CALHM5: variants seen among roughly 807,000 people sequenced by gnomAD.
CALHM5 encodes calcium homeostasis modulator family member 5.
In CALHM5, 17 loss-of-function variants were observed where a neutral mutation model predicts 20.9. That is an observed-to-expected ratio of 0.82 (90% CI 0.56 to 1.22). CALHM5 has a LOEUF of 1.22. CALHM5 is among the 50% of genes most tolerant of loss of function. CALHM5 has a pLI of 0.00. For missense variants in CALHM5, 360 were observed against 364.6 expected, an observed-to-expected ratio of 0.99 and a Z score of 0.10; for synonymous variants, 148 against 140.0, an observed-to-expected ratio of 1.06 and a Z score of -0.40.
rs1006222124 is a variant in CALHM5 at position 116,517,219 on chromosome 6, T to G, written c.*1230T>G. The G allele has an allele frequency of 4.6e-5, 7 of 152,088 alleles. No individual in the cohort carries two copies. Among genetic ancestry groups the G allele is most frequent in the Non-Finnish European group, 2.9e-5 (2 of 68,030 alleles). The allele number at this position is 152,088 out of a possible 1,614,324, so 9.4% of individuals were successfully genotyped here. A position where few individuals can be genotyped will look rare whatever the true frequency, so the allele number is the denominator to read the frequency against. ...GGGTTAAGATTTCAACATATGAAATTGGGGGAGACACAAACATTCAGACTA... is the reference window on the plus strand; with the variant it reads ...GGGTTAAGATTTCAACATATGAAATGGGGGGAGACACAAACATTCAGACTA... On this transcript the variant is annotated 3_prime_UTR_variant, in exon 2 of 2. Transcript: ENST00000368599.
At position 116,523,000 on chromosome 6, in the gene CALHM5, A is replaced by C. The variant is rs943466252; in HGVS notation, c.*7011A>C. ...ATTAAAATGTGGATTGCTGAACTCCACCCCCAGGGTGTCTGATTCAGTAGG... is the reference window on the plus strand; with the variant it reads ...ATTAAAATGTGGATTGCTGAACTCCCCCCCCAGGGTGTCTGATTCAGTAGG... On this transcript the variant is annotated 3_prime_UTR_variant, in exon 2 of 2. Transcript: ENST00000368599. 3 of 114,012 alleles carry C rather than the reference A, an allele frequency of 2.6e-5. No individual in the cohort carries two copies. Among genetic ancestry groups the C allele is most frequent in the African/African-American group, 9.6e-5 (3 of 31,358 alleles). 7.1% of individuals were successfully genotyped at this position (114,012 alleles called of 1,614,324 possible).
Position 116,521,433 on chromosome 6 carries a change from G to A in CALHM5, c.*5444G>A, listed in dbSNP as rs567952766. The stretch of plus-strand genomic sequence containing the variant: ...AGGAACCTGAAGTTTTTATTTCCAA[G>A]GGCCAATAGATAAGGAGAATATTGG... On this transcript the variant is annotated 3_prime_UTR_variant, in exon 2 of 2. Transcript: ENST00000368599. 6.6e-6 allele frequency: 1 copy of A among 152,082 alleles called. No individual in the cohort carries two copies. Among genetic ancestry groups the A allele is most frequent in the South Asian group, 2.1e-4 (1 of 4,820 alleles). 9.4% of individuals were successfully genotyped at this position (152,082 alleles called of 1,614,324 possible). A position where few individuals can be genotyped will look rare whatever the true frequency, so the allele number is the denominator to read the frequency against.
At position 116,511,655 on chromosome 6, in the gene CALHM5, C is replaced by A; in HGVS notation, c.-42C>A. On this transcript the variant is annotated 5_prime_UTR_variant, in exon 1 of 2. Coordinates refer to ENST00000368599, the MANE Select transcript of CALHM5 (RefSeq NM_153711.5). The stretch of plus-strand genomic sequence containing the variant: ...TCGGCCACTGCCACAGCTGCTCTGC[C>A]AATAACAAAGGCACAGCATTTTCCC... 1 of 1,582,760 alleles carries A rather than the reference C, an allele frequency of 6.3e-7. No individual in the cohort carries two copies.
At position 116,524,368 on chromosome 6, in the gene CALHM5, A is replaced by AC. The variant is rs1373445912; in HGVS notation, c.*8384dup. 1 of 152,080 alleles carries AC rather than the reference A, an allele frequency of 6.6e-6. No individual in the cohort carries two copies. The highest frequency in any genetic ancestry group is 1.5e-5 in the Non-Finnish European group (1 of 67,992). 9.4% of individuals were successfully genotyped at this position (152,080 alleles called of 1,614,324 possible). A position where few individuals can be genotyped will look rare whatever the true frequency, so the allele number is the denominator to read the frequency against. ...TTATTTTGCTGAAGTTTTGTCAATC[A>AC]CCCCCTGCTTAGCTGGAGTTTACCT... On this transcript the variant is annotated 3_prime_UTR_variant, in exon 2 of 2. Transcript: ENST00000368599.
Position 116,523,028 on chromosome 6 carries a change from TG to T in CALHM5, c.*7043del, listed in dbSNP as rs1347663135. 2.4e-5 allele frequency: 3 copies of T among 126,132 alleles called. No individual in the cohort carries two copies. Among genetic ancestry groups the T allele is most frequent in the East Asian group, 5.8e-4 (2 of 3,428 alleles). 7.8% of individuals were successfully genotyped at this position (126,132 alleles called of 1,614,324 possible). On this transcript the variant is annotated 3_prime_UTR_variant, in exon 2 of 2. Coordinates refer to ENST00000368599, the MANE Select transcript of CALHM5 (RefSeq NM_153711.5). ...CCCAGGGTGTCTGATTCAGTAGGTCTGGGGTGAGGCAAGATAATCTGCATTT... is the reference window on the plus strand; with the variant it reads ...CCCAGGGTGTCTGATTCAGTAGGTCTGGGTGAGGCAAGATAATCTGCATTT...
Position 116,515,606 on chromosome 6 carries a change from G to C in CALHM5, c.547G>C (p.Gly183Arg). ...LSLQAQSQILGWCLICSASFF... is the reference protein window; with the variant it reads ...LSLQAQSQILRWCLICSASFF... ...ATATTTCTTTCTTCTTAAGATTCTA[G>C]GATGGTGCCTGATTTGTTCAGCGTC... Residue 183 changes from glycine (G) to arginine (R), a missense_variant, in exon 2 of 2, where the codon GGA (glycine) becomes CGA (arginine). Gly to Arg is a moderately radical substitution (Grantham distance 125). Coordinates refer to ENST00000368599, the MANE Select transcript of CALHM5 (RefSeq NM_153711.5). 6.2e-7 allele frequency: 1 copy of C among 1,607,058 alleles called. No homozygotes were observed. The highest frequency in any genetic ancestry group is 8.5e-7 in the Non-Finnish European group (1 of 1,176,814).
rs1231816033 is a variant in CALHM5 at position 116,522,389 on chromosome 6, C to CT, written c.*6401dup. Reference sequence around the variant, plus strand: ...AATATGAAGCGACAGAACCTGAACACTAACATGAAAATCAGAATTTATAAA... The same window carrying CT: ...AATATGAAGCGACAGAACCTGAACACTTAACATGAAAATCAGAATTTATAAA... On this transcript the variant is annotated 3_prime_UTR_variant, in exon 2 of 2. Coordinates refer to ENST00000368599, the MANE Select transcript of CALHM5 (RefSeq NM_153711.5). The CT allele has an allele frequency of 6.6e-6, 1 of 152,190 alleles. No homozygotes were observed. The highest frequency in any genetic ancestry group is 1.9e-4 in the East Asian group (1 of 5,202). 9.4% of individuals were successfully genotyped at this position (152,190 alleles called of 1,614,324 possible).
rs1488833252 is a variant in CALHM5 at position 116,519,529 on chromosome 6, C to A, written c.*3540C>A. On this transcript the variant is annotated 3_prime_UTR_variant, in exon 2 of 2. Coordinates refer to ENST00000368599, the MANE Select transcript of CALHM5 (RefSeq NM_153711.5). ...GATTTGAATATCTAGAGAGGGCACCCAATGGTCATACTAATGTTTGCCATA... is the reference window on the plus strand; with the variant it reads ...GATTTGAATATCTAGAGAGGGCACCAAATGGTCATACTAATGTTTGCCATA... The A allele has an allele frequency of 1.3e-5, 2 of 152,158 alleles. No homozygotes were observed. Among genetic ancestry groups the A allele is most frequent in the Non-Finnish European group, 2.9e-5 (2 of 68,044 alleles). 9.4% of individuals were successfully genotyped at this position (152,158 alleles called of 1,614,324 possible). A position where few individuals can be genotyped will look rare whatever the true frequency, so the allele number is the denominator to read the frequency against.
At position 116,517,646 on chromosome 6, in the gene CALHM5, C is replaced by G. The variant is rs2115170596; in HGVS notation, c.*1657C>G. On this transcript the variant is annotated 3_prime_UTR_variant, in exon 2 of 2. Transcript: ENST00000368599. ...AGAAATATGTATTTGGTCTTTCTTC[C>G]TATTCCTGGTGCAGAGCTCCTAAAA... 1 of 152,242 alleles carries G rather than the reference C, an allele frequency of 6.6e-6. No individual in the cohort carries two copies. Among genetic ancestry groups the G allele is most frequent in the East Asian group, 1.9e-4 (1 of 5,178 alleles). 9.4% of individuals were successfully genotyped at this position (152,242 alleles called of 1,614,324 possible).
chr6:116,513,997 G>A (rs987140995), intron 1 of CALHM5, among the ~76,000 whole-genome samples: 2 of 152,170 alleles, frequency 1.3e-5, no homozygotes, highest in African/African-American at 4.8e-5. Context: ...GGAAGATTTA[G>A]AGATGATAGA....
intron 1 of CALHM5, among the ~76,000 whole-genome samples, chr6:116,512,749 C>T (rs1772149734): frequency 6.6e-6 from 1 of 152,184 alleles, no homozygotes; most frequent in Non-Finnish European, 1.5e-5. Context: ...CTGGCAACTG[C>T]TATCTCTGTG....
chr6:116,516,184 G>T lies in CALHM5; in HGVS notation c.*195G>T. 1.6e-6 allele frequency: 1 copy of T among 619,790 alleles called. No individual in the cohort carries two copies. Among genetic ancestry groups the T allele is most frequent in the Non-Finnish European group, 2.5e-6 (1 of 405,616 alleles). The allele number at this position is 619,790 out of a possible 1,614,324, so 38.4% of individuals were successfully genotyped here. A position where few individuals can be genotyped will look rare whatever the true frequency, so the allele number is the denominator to read the frequency against. Reference sequence around the variant, plus strand: ...TGTGCTCAAATTGATGCTGAGGGGTGACAAAGGTGCTCTTGCATTGGTGGA... The same window carrying T: ...TGTGCTCAAATTGATGCTGAGGGGTTACAAAGGTGCTCTTGCATTGGTGGA... On this transcript the variant is annotated 3_prime_UTR_variant, in exon 2 of 2. Transcript: ENST00000368599.
At position 116,517,230 on chromosome 6, in the gene CALHM5, C is replaced by G. The variant is rs559932921; in HGVS notation, c.*1241C>G. 6.6e-6 allele frequency: 1 copy of G among 152,204 alleles called. No individual in the cohort carries two copies. Among genetic ancestry groups the G allele is most frequent in the African/African-American group, 2.4e-5 (1 of 41,514 alleles). 9.4% of individuals were successfully genotyped at this position (152,204 alleles called of 1,614,324 possible). Reference sequence around the variant, plus strand: ...TCAACATATGAAATTGGGGGAGACACAAACATTCAGACTATAGTAGGGTAA... The same window carrying G: ...TCAACATATGAAATTGGGGGAGACAGAAACATTCAGACTATAGTAGGGTAA... On this transcript the variant is annotated 3_prime_UTR_variant, in exon 2 of 2. Transcript: ENST00000368599.
Position 116,523,984 on chromosome 6 carries a change from T to C in CALHM5, c.*7995T>C, listed in dbSNP as rs1281898792. On this transcript the variant is annotated 3_prime_UTR_variant, in exon 2 of 2. Coordinates refer to ENST00000368599, the MANE Select transcript of CALHM5 (RefSeq NM_153711.5). ...TTTCCAACAACCAACTGTAACAAGA[T>C]ATCTTTGAGATATTTAGGAAAATAT... is the stretch of plus-strand genomic sequence containing the variant. 2 of 152,228 alleles carry C rather than the reference T, an allele frequency of 1.3e-5. No homozygotes were observed. Among genetic ancestry groups the C allele is most frequent in the African/African-American group, 2.4e-5 (1 of 41,458 alleles). 9.4% of individuals were successfully genotyped at this position (152,228 alleles called of 1,614,324 possible).
intron 1 of CALHM5, among the ~76,000 whole-genome samples, chr6:116,512,536 CCTAACA>C (rs1427768323): frequency 6.6e-6 from 1 of 152,112 alleles, no homozygotes; most frequent in African/African-American, 2.4e-5. Context: ...ATAAATAATG[CCTAACA>C]CTAAATCATA....
chr6:116,515,657 T>TTAG lies in CALHM5; in HGVS notation c.598_599insTAG (p.Tyr200delinsLeuAsp). The TTAG allele has an allele frequency of 1.2e-6, 2 of 1,614,034 alleles. No homozygotes were observed. The highest frequency in any genetic ancestry group is 1.7e-6 in the Non-Finnish European group (2 of 1,179,926). On this transcript the variant is annotated protein_altering_variant, in exon 2 of 2. Coordinates refer to ENST00000368599, the MANE Select transcript of CALHM5 (RefSeq NM_153711.5). The stretch of plus-strand genomic sequence containing the variant: ...TTTCTTCTCTCTGCTCACCACATGT[T>TTAG]ATGCTCGCTGCCGATCTAAAGTTAG...
intron 1 of CALHM5, among the ~76,000 whole-genome samples, chr6:116,512,527 T>C (rs1398565893): frequency 6.6e-6 from 1 of 152,236 alleles, no homozygotes; most frequent in Admixed American, 6.5e-5. Flanking sequence ...GGTCTGTAAA[T>C]AAATAATGCC....
rs769765057 is a variant in CALHM5 at position 116,515,652 on chromosome 6, CAT to C, written c.594_595del (p.Cys199LeufsTer7). ...GCGTCTTTCTTCTCTCTGCTCACCA[CAT>C]GTTATGCTCGCTGCCGATCTAAAGT... On this transcript the variant is annotated frameshift_variant, in exon 2 of 2. Coordinates refer to ENST00000368599, the MANE Select transcript of CALHM5 (RefSeq NM_153711.5). LOFTEE classifies it high-confidence loss of function. The C allele has an allele frequency of 6.2e-6, 10 of 1,613,986 alleles. No homozygotes were observed. The East Asian group carries it at 8.9e-5, about 14-fold the overall frequency.
In CALHM5 at chr6:116,518,173, T is replaced by C. The variant is rs1291044420; in HGVS notation, c.*2184T>C. 1.3e-5 allele frequency: 2 copies of C among 152,194 alleles called. No individual in the cohort carries two copies. Among genetic ancestry groups the C allele is most frequent in the Admixed American group, 6.5e-5 (1 of 15,268 alleles). 9.4% of individuals were successfully genotyped at this position (152,194 alleles called of 1,614,324 possible). On this transcript the variant is annotated 3_prime_UTR_variant, in exon 2 of 2. Transcript: ENST00000368599. ...ACCTCTGCTTTGTAGCCACGTCAGATAGAAGATGTGAGTAACTTTGGAACC... is the reference window on the plus strand; with the variant it reads ...ACCTCTGCTTTGTAGCCACGTCAGACAGAAGATGTGAGTAACTTTGGAACC...
Sources: gnomAD v4.1 joint callset for allele counts (sites outside exome capture counted in the v4.1 genomes callset) on GRCh38, gnomAD v4.1.1 for gene constraint, MANE v1.5 for transcripts, NCBI Gene and HGNC (gene_info 2026-07-23, HGNC 2026-07-21) for gene names.